Variants in SLC27A2 observed in about 807,000 individuals in gnomAD.
The protein encoded by SLC27A2 is long-chain fatty acid transport protein 2.
A neutral mutation model predicts 60.0 loss-of-function variants in SLC27A2; 54 were observed. The observed-to-expected ratio is 0.90, with a 90% CI of 0.72 to 1.13. The LOEUF (loss-of-function observed/expected upper bound fraction) is 1.13. SLC27A2 is among the 50% of genes most tolerant of loss of function. The pLI, the probability that SLC27A2 is intolerant of heterozygous loss-of-function variation, is 0.00. For synonymous variants in SLC27A2, 297 were observed against 297.6 expected (o/e 1.00, Z 0.02); for missense variants, 739 against 777.6 (o/e 0.95, Z 0.59).
intron 4 of SLC27A2, among the ~76,000 whole-genome samples, chr15:50,219,009 G>C (rs149378323): frequency 6.2e-4 from 95 of 152,294 alleles, no homozygotes; most frequent in African/African-American, 2.2e-3. Context: ...TTGGAAGAAA[G>C]GCAATTAATT....
chr15:50,196,080 ATATATATATATATATATATATATATATAT>A (rs2045019390), intron 1 of SLC27A2, among the ~76,000 whole-genome samples: 1 of 7,814 alleles, frequency 1.3e-4, no homozygotes, highest in Non-Finnish European at 2.0e-4. Flanking sequence ...AAAAAAAAAT[ATATATATATATATATATATATATATATAT>A]ATATATATAT....
At chr15:50,194,962 C>A (rs1055277764) in intron 1 of SLC27A2, among the ~76,000 whole-genome samples, 1 of 151,978 alleles carries the variant, frequency 6.6e-6, no homozygotes. Context: ...GCTTCTAGAG[C>A]AAATCCATAA....
chr15:50,208,289 C>G (rs1326990118), intron 4 of SLC27A2, among the ~76,000 whole-genome samples: 2 of 152,202 alleles, frequency 1.3e-5, no homozygotes, highest in Non-Finnish European at 2.9e-5. Flanking sequence ...ATGGAGAATG[C>G]TTCCAGCCCT....
intron 5 of SLC27A2, among the ~76,000 whole-genome samples, chr15:50,224,265 C>G (rs563070983): frequency 3.9e-5 from 6 of 152,136 alleles, no homozygotes; most frequent in African/African-American, 1.4e-4. Context: ...ACGGTGAAAC[C>G]CCGTCTCTAC....
intron 8 of SLC27A2, 74 bp from the exon 9 acceptor site, chr15:50,233,794 C>A: frequency 7.5e-7 from 1 of 1,341,302 alleles, no homozygotes; most frequent in Non-Finnish European, 1.0e-6. Context: ...GTTGTCTGAG[C>A]CCACAGTTCT....
intron 4 of SLC27A2, among the ~76,000 whole-genome samples, chr15:50,206,304 A>G (rs1307376657): frequency 2.0e-4 from 31 of 152,166 alleles, no homozygotes; most frequent in Admixed American, 1.9e-3. Flanking sequence ...CTAGTTGAGA[A>G]CCACTGTACT....
In SLC27A2 at chr15:50,205,308, T is replaced by C; in HGVS notation, c.917T>C (p.Val306Ala). ...TGGGATGACTGCAGAAAATACAACGTCACTGTCATTCAGTATATCGGTGAA... is the reference window on the plus strand; with the variant it reads ...TGGGATGACTGCAGAAAATACAACGCCACTGTCATTCAGTATATCGGTGAA... ...QFWDDCRKYN[V>A]TVIQYIGELL... The change falls in exon 4 of 10, where the codon GTC becomes GCC. Residue 306 changes from valine (V) to alanine (A), a missense_variant. Transcript: ENST00000267842. 1 of 1,611,322 alleles carries C rather than the reference T, an allele frequency of 6.2e-7. No homozygotes were observed. The highest frequency in any genetic ancestry group is 8.5e-7 in the Non-Finnish European group (1 of 1,178,190).
intron 8 of SLC27A2, among the ~76,000 whole-genome samples, chr15:50,230,711 C>T (rs1324442212): frequency 6.6e-6 from 1 of 152,206 alleles, no homozygotes; most frequent in Non-Finnish European, 1.5e-5. Flanking sequence ...TGAGTTAACA[C>T]AAGGGTCTAA....
chr15:50,220,833 G>A (rs189605706), intron 4 of SLC27A2, among the ~76,000 whole-genome samples: 21 of 152,270 alleles, frequency 1.4e-4, no homozygotes, highest in African/African-American at 4.3e-4. Flanking sequence ...TGGCAAACCA[G>A]ACATATGATC....
At chr15:50,230,393 A>G (rs2045309489) in intron 8 of SLC27A2, among the ~76,000 whole-genome samples, 1 of 151,528 alleles carries the variant, frequency 6.6e-6, no homozygotes, top group Non-Finnish European at 1.5e-5. Context: ...AAATACAAAC[A>G]TTAGCCAGGG....
At chr15:50,207,681 T>A (rs2045123714) in intron 4 of SLC27A2, among the ~76,000 whole-genome samples, 1 of 150,612 alleles carries the variant, frequency 6.6e-6, no homozygotes, top group African/African-American at 2.4e-5. Context: ...TCCCAACTAC[T>A]CAGGAGGCTG....
At chr15:50,206,330 C>T (rs1220546652) in intron 4 of SLC27A2, among the ~76,000 whole-genome samples, 3 of 152,168 alleles carry the variant, frequency 2.0e-5, no homozygotes. Flanking sequence ...ATGCAGTAAA[C>T]TCACCAGATT....
At chr15:50,206,145 C>T (rs966799490) in intron 4 of SLC27A2, among the ~76,000 whole-genome samples, 11 of 152,068 alleles carry the variant, frequency 7.2e-5, no homozygotes, top group South Asian at 2.1e-4. Flanking sequence ...TTCTTTGCCG[C>T]GCGGACTTAT....
At chr15:50,222,613 CA>C (rs1231593684) in intron 4 of SLC27A2, among the ~76,000 whole-genome samples, 1 of 152,158 alleles carries the variant, frequency 6.6e-6, no homozygotes, top group Non-Finnish European at 1.5e-5. Context: ...ACATATTATA[CA>C]CATTATTCTA....
At chr15:50,221,159 T>C (rs2045239283) in intron 4 of SLC27A2, among the ~76,000 whole-genome samples, 1 of 151,750 alleles carries the variant, frequency 6.6e-6, no homozygotes, top group African/African-American at 2.4e-5. Flanking sequence ...AAGCCATAAT[T>C]GCACCAGCCT....
chr15:50,224,166 C>T (rs2045263338), intron 5 of SLC27A2, among the ~76,000 whole-genome samples: 1 of 152,180 alleles, frequency 6.6e-6, no homozygotes, highest in African/African-American at 2.4e-5. Context: ...AACAGCCAGG[C>T]GCAGCGGCTC....
chr15:50,185,500 G>A (rs953707605), intron 1 of SLC27A2, among the ~76,000 whole-genome samples: 2 of 151,946 alleles, frequency 1.3e-5, no homozygotes, highest in Admixed American at 1.3e-4. Context: ...TTTGGTGTTG[G>A]AAGGGACCTT....
At chr15:50,217,119 GA>G (rs781169681) in intron 4 of SLC27A2, among the ~76,000 whole-genome samples, 14 of 151,854 alleles carry the variant, frequency 9.2e-5, no homozygotes, top group Non-Finnish European at 1.6e-4. Flanking sequence ...GGGGACGAGG[GA>G]TAAAAGACTA....
chr15:50,207,619 G>A lies in SLC27A2; in HGVS notation c.972+2256G>A, dbSNP rs535634886. Reference sequence around the variant, plus strand: ...AGCCTGGCCAACATGGAGAAACCCAGTCTCTACTAAAAATACAAAAATTAG... The same window carrying A: ...AGCCTGGCCAACATGGAGAAACCCAATCTCTACTAAAAATACAAAAATTAG... On this transcript the variant is annotated intron_variant, in intron 4 of 9. Coordinates refer to ENST00000267842, the MANE Select transcript of SLC27A2 (RefSeq NM_003645.4). Among the ~76,000 whole-genome samples the A allele has an allele frequency of 5.3e-5, 8 of 151,990 alleles. No individual in the cohort carries two copies. The South Asian group carries it at 1.7e-3, about 32-fold the overall frequency.
Sources: gnomAD v4.1 joint callset for allele counts (sites outside exome capture counted in the v4.1 genomes callset) on GRCh38, gnomAD v4.1.1 for gene constraint, MANE v1.5 for transcripts, NCBI Gene and HGNC (gene_info 2026-07-23, HGNC 2026-07-21) for gene names.